EIF5B: variants seen among roughly 807,000 people sequenced by gnomAD.
EIF5B encodes eIF-5B.
A neutral mutation model predicts 147.5 loss-of-function variants in EIF5B; 47 were observed. That is an observed-to-expected ratio of 0.32 (90% CI 0.25 to 0.41). EIF5B has a LOEUF of 0.41. Among genes scored for constraint, EIF5B ranks in the 10% least tolerant of loss-of-function variants. The probability of loss-of-function intolerance (pLI) is 1.00; values close to 1 mark genes in which losing one functional copy is unlikely to be tolerated. For synonymous variants in EIF5B, 455 were observed against 456.2 expected, an observed-to-expected ratio of 1.00 and a Z score of 0.03; for missense variants, 1,064 against 1,413.2, an observed-to-expected ratio of 0.75 and a Z score of 3.96.
intron 6 of EIF5B, 23 bp downstream of exon 6, chr2:99,364,444 T>TG (rs756365054): frequency 5.1e-6 from 8 of 1,562,812 alleles, no homozygotes; most frequent in Non-Finnish European, 6.9e-6. Context: ...CTTCATTAAC[T>TG]GAATGGTCAG....
At position 99,363,837 on chromosome 2, in the gene EIF5B, A is replaced by C; in HGVS notation, c.1112A>C (p.Glu371Ala). 1.2e-6 allele frequency: 2 copies of C among 1,609,234 alleles called. No homozygotes were observed. The highest frequency in any genetic ancestry group is 1.7e-5 in the Admixed American group (1 of 58,774). ...EEEERIKRLE[E>A]LEAKRKEEER... is the part of the protein sequence containing the mutation. ...GAAGAACGTATAAAACGGCTTGAAG[A>C]ATTAGAAGCCAAGCGTAAAGAAGAG... Residue 371 changes from glutamate to alanine, a missense_variant, in exon 5 of 24, where the codon GAA (glutamate) becomes GCA (alanine). By Grantham distance (107) the Glu-to-Ala change is moderately radical. Around this residue, in one of 4 missense-constraint regions of EIF5B, gnomAD observed 458 missense variants for 451.3 expected, o/e 1.01. Coordinates refer to ENST00000289371, the MANE Select transcript of EIF5B (RefSeq NM_015904.4).
At chr2:99,379,624 T>C (rs1164544717) in intron 12 of EIF5B, among the ~76,000 whole-genome samples, 196 bp downstream of exon 12, 1 of 152,194 alleles carries the variant, frequency 6.6e-6, no homozygotes, top group Non-Finnish European at 1.5e-5. Context: ...ATAGGAGCTC[T>C]CACATTCCAT....
At chr2:99,386,616 G>A (rs1278601053) in intron 14 of EIF5B, among the ~76,000 whole-genome samples, 3 of 148,386 alleles carry the variant, frequency 2.0e-5, no homozygotes, top group Admixed American at 2.0e-4. Context: ...TACAACGTCC[G>A]CCTCCCAGGC....
chr2:99,348,347 A>G (rs561367902), intron 1 of EIF5B, among the ~76,000 whole-genome samples: 33 of 152,328 alleles, frequency 2.2e-4, no homozygotes, highest in African/African-American at 7.7e-4. Context: ...CCATAACTTC[A>G]TTAAGAGAGT....
At chr2:99,376,221 C>T (rs975830402) in intron 9 of EIF5B, 126 bp from the exon 10 acceptor site, 6 of 588,940 alleles carry the variant, frequency 1.0e-5, no homozygotes, top group Non-Finnish European at 1.1e-5. Flanking sequence ...TGGCCCAAGA[C>T]AATTCTTCTT....
In EIF5B at chr2:99,361,286, C is replaced by T. The variant is rs766900726; in HGVS notation, c.385C>T (p.Pro129Ser). The T allele has an allele frequency of 1.2e-6, 2 of 1,611,892 alleles. No individual in the cohort carries two copies. Among genetic ancestry groups the T allele is most frequent in the East Asian group, 2.2e-5 (1 of 44,788 alleles). The change falls in exon 4 of 24, where the codon CCG becomes TCG. Residue 129 changes from proline (P) to serine (S), a missense_variant. This residue lies in a region of EIF5B where 458 missense variants were observed against 451.3 expected (regional missense o/e 1.01). Coordinates refer to ENST00000289371, the MANE Select transcript of EIF5B (RefSeq NM_015904.4). Reference protein sequence around the residue: ...KDSKSKKTAKPKVEMYSGSDD... With the variant: ...KDSKSKKTAKSKVEMYSGSDD... ...TTCAAAATCAAAAAAGACTGCAAAA[C>T]CGAAAGTGGAAATGTACTCTGGGAG... is the stretch of plus-strand genomic sequence containing the variant.
intron 10 of EIF5B, among the ~76,000 whole-genome samples, chr2:99,378,481 A>G (rs1017054772): frequency 6.6e-6 from 1 of 152,176 alleles, no homozygotes; most frequent in African/African-American, 2.4e-5. Flanking sequence ...GACATGTTTT[A>G]CTTATTTAAG....
intron 1 of EIF5B, among the ~76,000 whole-genome samples, chr2:99,358,769 G>A (rs946424223): frequency 6.6e-6 from 1 of 152,152 alleles, no homozygotes; most frequent in Admixed American, 6.5e-5. Context: ...AGAATAAGGT[G>A]CCTCTGACTT....
Position 99,398,728 on chromosome 2 carries a change from A to G in EIF5B, c.3394-20A>G, listed in dbSNP as rs1165755691. ...GCATGAATTCTTCTGCATGCATTTT[A>G]ATTTGTTCTTATTTTATAGTTTGTT... On this transcript the variant is annotated intron_variant, in intron 22 of 23. Coordinates refer to ENST00000289371, the MANE Select transcript of EIF5B (RefSeq NM_015904.4). The G allele has an allele frequency of 6.3e-7, 1 of 1,598,544 alleles. No individual in the cohort carries two copies. Among genetic ancestry groups the G allele is most frequent in the Non-Finnish European group, 8.5e-7 (1 of 1,172,870 alleles).
At chr2:99,396,946 T>C in intron 22 of EIF5B, 48 bp downstream of exon 22, 1 of 1,567,526 alleles carries the variant, frequency 6.4e-7, no homozygotes, top group East Asian at 2.2e-5. Flanking sequence ...AAGCACTAAA[T>C]GAGTGTCCAA....
intron 14 of EIF5B, 121 bp from the exon 15 acceptor site, chr2:99,389,597 T>TTA: frequency 2.6e-6 from 2 of 778,728 alleles, no homozygotes; most frequent in South Asian, 3.6e-5. Context: ...ATAAAGTGTA[T>TTA]GAGTAAGTCA....
At chr2:99,383,113 G>A (rs2104231527) in intron 14 of EIF5B, among the ~76,000 whole-genome samples, 192 bp downstream of exon 14, 1 of 151,284 alleles carries the variant, frequency 6.6e-6, no homozygotes, top group African/African-American at 2.4e-5. Flanking sequence ...TTGTAAGTTT[G>A]TAGCAGCCTT....
chr2:99,337,489 C>T lies in EIF5B; in HGVS notation c.-66C>T. Reference sequence around the variant, plus strand: ...GAGCTGAGCGGAGACCAAAGTCAGCCGGGAGACAGTGGGTCTGTGAGAGAC... The same window carrying T: ...GAGCTGAGCGGAGACCAAAGTCAGCTGGGAGACAGTGGGTCTGTGAGAGAC... On this transcript the variant is annotated 5_prime_UTR_variant, in exon 1 of 24. Coordinates refer to ENST00000289371, the MANE Select transcript of EIF5B (RefSeq NM_015904.4). 1.3e-6 allele frequency: 2 copies of T among 1,582,292 alleles called. No homozygotes were observed. Among genetic ancestry groups the T allele is most frequent in the Non-Finnish European group, 1.7e-6 (2 of 1,163,668 alleles).
chr2:99,368,290 C>T (rs1235904171), intron 6 of EIF5B, among the ~76,000 whole-genome samples: 2 of 152,168 alleles, frequency 1.3e-5, no homozygotes, highest in East Asian at 3.9e-4. Flanking sequence ...TATCAAAACT[C>T]TCACTGTATG....
At chr2:99,382,648 G>A in intron 13 of EIF5B, 132 bp from the exon 14 acceptor site, 11 of 882,532 alleles carry the variant, frequency 1.2e-5, no homozygotes, top group Non-Finnish European at 1.8e-5. Context: ...GGCAAGTTAA[G>A]GGCTAATAGT....
At chr2:99,351,410 A>G (rs893269788) in intron 1 of EIF5B, among the ~76,000 whole-genome samples, 4 of 152,196 alleles carry the variant, frequency 2.6e-5, no homozygotes, top group African/African-American at 4.8e-5. Flanking sequence ...TAAAGCTGCA[A>G]TGAACATTTG....
intron 1 of EIF5B, among the ~76,000 whole-genome samples, chr2:99,359,755 AT>A (rs1489976483): frequency 1.3e-5 from 2 of 152,158 alleles, no homozygotes; most frequent in Admixed American, 1.3e-4. Flanking sequence ...TAGTTTTCCC[AT>A]TGGTAAAATG....
At position 99,361,634 on chromosome 2, in the gene EIF5B, G is replaced by A. The variant is rs778582479; in HGVS notation, c.733G>A (p.Glu245Lys). The change falls in exon 4 of 24, where the codon GAA becomes AAA. Residue 245 changes from glutamate to lysine, a missense_variant. Around this residue, in one of 4 missense-constraint regions of EIF5B, gnomAD observed 458 missense variants for 451.3 expected, o/e 1.01. Coordinates refer to ENST00000289371, the MANE Select transcript of EIF5B (RefSeq NM_015904.4). ...GGAGCGCGAGAGAAAAAAGCGAGAT[G>A]AAGAAAAAGCGAAACTGCGGAAGCT... Reference protein sequence around the residue: ...KKERERKKRDEEKAKLRKLKE... With the variant: ...KKERERKKRDKEKAKLRKLKE... The A allele has an allele frequency of 6.3e-7, 1 of 1,592,270 alleles. No individual in the cohort carries two copies. Among genetic ancestry groups the A allele is most frequent in the Non-Finnish European group, 8.5e-7 (1 of 1,174,538 alleles).
At chr2:99,338,964 AAAT>A (rs1476255643) in intron 1 of EIF5B, among the ~76,000 whole-genome samples, 24 of 116,658 alleles carry the variant, frequency 2.1e-4, no homozygotes, top group African/African-American at 6.4e-4. Flanking sequence ...ACATATATAT[AAAT>A]ATATATATAT....
Sources: allele counts gnomAD v4.1 joint callset (sites outside exome capture counted in the v4.1 genomes callset), GRCh38; gene constraint gnomAD v4.1.1; regional missense constraint gnomAD v4.1.1; transcripts MANE v1.5; gene names NCBI Gene and HGNC (gene_info 2026-07-23, HGNC 2026-07-21).